NPR1: variants seen among roughly 807,000 people sequenced by gnomAD.
NPR1 encodes atrial natriuretic peptide receptor 1.
NPR1 carries 57 observed loss-of-function variants against 116.9 expected under a neutral mutation model. The ratio of observed to expected loss-of-function variants is 0.49; its 90% CI spans 0.39 to 0.61. The LOEUF (loss-of-function observed/expected upper bound fraction) is 0.61, where lower values mean the gene tolerates loss of function less well. NPR1 is among the 20% of genes least tolerant of loss of function. The probability of loss-of-function intolerance (pLI) is 0.00; values close to 1 mark genes in which losing one functional copy is unlikely to be tolerated. For synonymous variants in NPR1, 555 were observed against 601.6 expected (o/e 0.92, Z 1.13); for missense variants, 1,096 against 1,409.8 (o/e 0.78, Z 3.56).
intron 8 of NPR1, 51 bp from the exon 9 acceptor site, chr1:153,685,755 T>C (rs1310762964): frequency 6.5e-6 from 9 of 1,394,290 alleles, no homozygotes; most frequent in Non-Finnish European, 8.2e-6. Context: ...GCAATCAGGA[T>C]GCAGACTGGG....
At chr1:153,687,866 G>GC in intron 14 of NPR1, 77 bp downstream of exon 14, 2 of 1,426,278 alleles carry the variant, frequency 1.4e-6, no homozygotes, top group South Asian at 2.7e-5. Flanking sequence ...TCCCCTGGCA[G>GC]CACCACCACA....
intron 20 of NPR1, among the ~76,000 whole-genome samples, chr1:153,691,147 C>G (rs1370387751): frequency 1.3e-5 from 2 of 152,006 alleles, no homozygotes; most frequent in African/African-American, 4.8e-5. Context: ...TGTGAGAAAC[C>G]CATTAAAAAT....
At chr1:153,680,356 C>G in intron 1 of NPR1, 145 bp from the exon 2 acceptor site, 1 of 474,246 alleles carries the variant, frequency 2.1e-6, no homozygotes, top group Non-Finnish European at 3.8e-6. Flanking sequence ...GTGGCCTAGG[C>G]TGAGCCGGGA....
At position 153,686,113 on chromosome 1, in the gene NPR1, C is replaced by T; in HGVS notation, c.1681-10C>T. 6.2e-7 allele frequency: 1 copy of T among 1,613,500 alleles called. No individual in the cohort carries two copies. The highest frequency in any genetic ancestry group is 8.5e-7 in the Non-Finnish European group (1 of 1,179,682). On this transcript the variant is annotated splice_polypyrimidine_tract_variant and intron_variant, in intron 9 of 21. Transcript: ENST00000368680. Reference sequence around the variant, plus strand: ...GCTCTTCACAGTGACAGTCTCCATTCCATGCCCAGGGCAACCTCGTGGCTG... The same window carrying T: ...GCTCTTCACAGTGACAGTCTCCATTTCATGCCCAGGGCAACCTCGTGGCTG...
intron 7 of NPR1, among the ~76,000 whole-genome samples, chr1:153,684,429 G>A (rs1385647778): frequency 1.8e-5 from 2 of 113,346 alleles, no homozygotes; most frequent in Non-Finnish European, 3.3e-5. Flanking sequence ...GTCTCGCTCT[G>A]TTGCCAGACT....
Position 153,689,970 on chromosome 1 carries a change from C to T in NPR1, c.2922C>T (p.Gly974=), listed in dbSNP as rs1413793817. The T allele has an allele frequency of 6.5e-7, 1 of 1,529,700 alleles. No homozygotes were observed. Among genetic ancestry groups the T allele is most frequent in the Admixed American group, 2.0e-5 (1 of 49,662 alleles). 94.8% of individuals were successfully genotyped at this position (1,529,700 alleles called of 1,614,324 possible). The change falls in exon 19 of 22, where the codon GGC becomes GGT. Residue 974 remains glycine, a synonymous_variant. Transcript: ENST00000368680. This position sits in a 1 kb window ranked among gnomAD's most constrained non-coding sequence, Gnocchi z 5.1. ...AGGAGCAGCTGCGCTTGCGCATTGG[C>T]ATCCACACAGGTAAGGCCACTGAAG... ...RPQEQLRLRI[G]IHTGPVCAGV...
At chr1:153,688,816 A>G in intron 15 of NPR1, 137 bp from the exon 16 acceptor site, 3 of 1,003,512 alleles carry the variant, frequency 3.0e-6, no homozygotes, top group Non-Finnish European at 4.5e-6. Flanking sequence ...GCTCCCCGGT[A>G]TCCTGCTATG....
chr1:153,680,687 G>C lies in NPR1; in HGVS notation c.908G>C (p.Arg303Pro). 1 of 1,613,134 alleles carries C rather than the reference G, an allele frequency of 6.2e-7. No individual in the cohort carries two copies. The highest frequency in any genetic ancestry group is 8.5e-7 in the Non-Finnish European group (1 of 1,179,728). Reference protein sequence around the residue: ...ERGDGQDVSARQAFQAAKIIT... With the variant: ...ERGDGQDVSAPQAFQAAKIIT... ...GGGGATGGGCAGGATGTCAGTGCCC[G>C]CCAGGCCTTTCAGGTGAGTACCTAG... Residue 303 changes from arginine to proline, a missense_variant, in exon 2 of 22, where the codon CGC (arginine) becomes CCC (proline). Transcript: ENST00000368680.
rs1190992375 is a variant in NPR1 at position 153,683,726 on chromosome 1, ACT to A, written c.1400-8_1400-7del. On this transcript the variant is annotated splice_polypyrimidine_tract_variant and intron_variant, in intron 6 of 21. Transcript: ENST00000368680. ...CCAAATCTCTCTTGCTGCAATATGGACTCTCTCCTGCAGATCACCTTTCCACC... is the reference window on the plus strand; with the variant it reads ...CCAAATCTCTCTTGCTGCAATATGGACTCTCCTGCAGATCACCTTTCCACC... 3 of 1,612,816 alleles carry A rather than the reference ACT, an allele frequency of 1.9e-6. No individual in the cohort carries two copies. Among genetic ancestry groups the A allele is most frequent in the South Asian group, 1.1e-5 (1 of 91,034 alleles).
In NPR1 at chr1:153,689,065, A is replaced by G; in HGVS notation, c.2530A>G (p.Lys844Glu). 6.2e-7 allele frequency: 1 copy of G among 1,614,162 alleles called. No individual in the cohort carries two copies. The highest frequency in any genetic ancestry group is 1.1e-5 in the South Asian group (1 of 91,086). Residue 844 changes from lysine to glutamate, a missense_variant, in exon 16 of 22, where the codon AAG (lysine) becomes GAG (glutamate). By Grantham distance (56) the Lys-to-Glu change is moderately conservative. Coordinates refer to ENST00000368680, the MANE Select transcript of NPR1 (RefSeq NM_000906.4). The surrounding 1 kb of genome is among the most constrained non-coding windows in gnomAD (Gnocchi z 5.1). ...RTQAYLEEKR[K>E]AEALLYQILP... is the part of the protein sequence containing the mutation. ...CCAGGCATACCTGGAGGAGAAGCGC[A>G]AGGCTGAGGCCCTGCTCTACCAGAT... is the stretch of plus-strand genomic sequence containing the variant.
chr1:153,684,640 T>C (rs1435034230), intron 7 of NPR1, among the ~76,000 whole-genome samples: 1 of 152,186 alleles, frequency 6.6e-6, no homozygotes, highest in African/African-American at 2.4e-5. Context: ...TCCACCCACC[T>C]TGGCCTCCCA....
Position 153,693,593 on chromosome 1 carries a change from G to C in NPR1, c.*179G>C. 1.8e-6 allele frequency: 1 copy of C among 554,690 alleles called. No individual in the cohort carries two copies. 34.4% of individuals were successfully genotyped at this position (554,690 alleles called of 1,614,324 possible). On this transcript the variant is annotated 3_prime_UTR_variant, in exon 22 of 22. Coordinates refer to ENST00000368680, the MANE Select transcript of NPR1 (RefSeq NM_000906.4). The stretch of plus-strand genomic sequence containing the variant: ...AGGACCTCTGAGAGGGGACTGGCAT[G>C]GGGGGATCTCAGAGCTTACAGGCTG...
intron 20 of NPR1, among the ~76,000 whole-genome samples, chr1:153,690,632 C>T (rs1370723958): frequency 6.6e-6 from 1 of 152,074 alleles, no homozygotes; most frequent in Non-Finnish European, 1.5e-5. Flanking sequence ...GAGTTCCCAG[C>T]AGGAATCTGA....
intron 20 of NPR1, among the ~76,000 whole-genome samples, chr1:153,691,334 G>T (rs1185896648): frequency 6.6e-6 from 1 of 152,142 alleles, no homozygotes; most frequent in Non-Finnish European, 1.5e-5. Context: ...CTATCCTTCT[G>T]CTGTATTCGA....
At chr1:153,680,762 G>A in intron 2 of NPR1, 62 bp downstream of exon 2, 1 of 1,347,214 alleles carries the variant, frequency 7.4e-7, no homozygotes, top group Non-Finnish European at 1.0e-6. Flanking sequence ...TCTGGGCACT[G>A]TGTCCCTCAG....
At position 153,687,804 on chromosome 1, in the gene NPR1, C is replaced by A; in HGVS notation, c.2248+15C>A. ...GAGCCCCAAAGGTGAGAGGAGCACA[C>A]CTTCCTTAAACCCAGCCACAGTCTC... On this transcript the variant is annotated intron_variant, in intron 14 of 21. Transcript: ENST00000368680. The A allele has an allele frequency of 6.4e-7, 1 of 1,565,900 alleles. No homozygotes were observed. The highest frequency in any genetic ancestry group is 8.7e-7 in the Non-Finnish European group (1 of 1,150,012).
intron 3 of NPR1, 21 bp from the exon 4 acceptor site, chr1:153,681,683 G>C: frequency 6.2e-7 from 1 of 1,609,882 alleles, no homozygotes; most frequent in Non-Finnish European, 8.5e-7. Context: ...CACCCCAGCC[G>C]ACCTCTGTTT....
In NPR1 at chr1:153,688,066, G is replaced by A. The variant is rs1393531440; in HGVS notation, c.2262G>A (p.Arg754=). The A allele has an allele frequency of 2.5e-6, 4 of 1,609,576 alleles. No individual in the cohort carries two copies. In the African/African-American group the frequency reaches 5.4e-5, roughly 22 times the overall value. Residue 754 remains arginine, a synonymous_variant, in exon 15 of 22, where the codon CGG becomes CGA. Transcript: ENST00000368680. The part of the protein sequence containing the change: ...LDLSPKEIIE[R]VTRGEQPPFR... ...CCCCCAATACAGAGATCATCGAGCG[G>A]GTGACTCGGGGTGAGCAGCCCCCCT...
chr1:153,689,921 C>T lies in NPR1; in HGVS notation c.2873C>T (p.Ser958Phe), dbSNP rs766009120. Residue 958 changes from serine (S) to phenylalanine (F), a missense_variant, in exon 19 of 22, where the codon TCC becomes TTC. Physicochemically the swap from Ser to Phe is radical, Grantham distance 155. Transcript: ENST00000368680. The surrounding 1 kb of genome is among the most constrained non-coding windows in gnomAD (Gnocchi z 5.1). Reference protein sequence around the residue: ...MALALLDAVRSFRIRHRPQEQ... With the variant: ...MALALLDAVRFFRIRHRPQEQ... ...CTGGCACTGCTGGATGCTGTGCGCT[C>T]CTTCCGAATCCGCCACCGGCCCCAG... 6.4e-7 allele frequency: 1 copy of T among 1,556,018 alleles called. No individual in the cohort carries two copies. The highest frequency in any genetic ancestry group is 8.7e-7 in the Non-Finnish European group (1 of 1,148,442).
Sources: gnomAD v4.1 joint callset for allele counts (sites outside exome capture counted in the v4.1 genomes callset) on GRCh38, gnomAD v4.1.1 for gene constraint, Gnocchi (gnomAD v3.1) non-coding constraint, MANE v1.5 for transcripts, NCBI Gene and HGNC (gene_info 2026-07-23, HGNC 2026-07-21) for gene names.